The following PTPN14 variants were observed in gnomAD, a reference collection of about 807,000 sequenced individuals.
PTPN14 encodes the protein tyrosine-protein phosphatase non-receptor type 14.
Under a neutral mutation model 126.8 loss-of-function variants are expected in PTPN14, and 53 were observed. The ratio of observed to expected loss-of-function variants is 0.42; its 90% CI spans 0.34 to 0.53. The LOEUF is 0.53. Ranked by LOEUF, PTPN14 falls within the 20% of genes least tolerant of loss-of-function variation. The pLI, the probability that PTPN14 is intolerant of heterozygous loss-of-function variation, is 0.08. For missense variants in PTPN14, 1,257 were observed against 1,552.9 expected (o/e 0.81, Z 3.20); for synonymous variants, 630 against 599.3 (o/e 1.05, Z -0.75).
chr1:214,544,412 A>C (rs1156634403), intron 1 of PTPN14, among the ~76,000 whole-genome samples: 1 of 152,036 alleles, frequency 6.6e-6, no homozygotes, highest in Non-Finnish European at 1.5e-5. Flanking sequence ...CCTTGGTGAC[A>C]GGGTAAAACC....
chr1:214,409,119 T>C (rs187487401), intron 5 of PTPN14, among the ~76,000 whole-genome samples: 24 of 152,338 alleles, frequency 1.6e-4, no homozygotes, highest in Non-Finnish European at 2.5e-4. Context: ...ATTTAAAATC[T>C]ACTCTTTTAG....
chr1:214,520,273 T>C (rs1655223090), intron 1 of PTPN14, among the ~76,000 whole-genome samples: 1 of 151,920 alleles, frequency 6.6e-6, no homozygotes, highest in Non-Finnish European at 1.5e-5. Flanking sequence ...CTCTTTTCTT[T>C]TGATTCTCTA....
chr1:214,500,348 T>C (rs1401176670), intron 1 of PTPN14, among the ~76,000 whole-genome samples: 1 of 152,124 alleles, frequency 6.6e-6, no homozygotes, highest in Non-Finnish European at 1.5e-5. Flanking sequence ...CTAAATAAGC[T>C]GCAATCTCAA....
rs376384166 is a variant in PTPN14 at position 214,485,542 on chromosome 1, C to G, written c.-154-20585G>C. Among the ~76,000 whole-genome samples, 33 of 152,266 alleles carry G rather than the reference C, an allele frequency of 2.2e-4. 1 individual carries two copies. In the South Asian group the frequency reaches 6.0e-3, roughly 28 times the overall value. ...ATGAATATGGAAGAGCTAATGGACTCTGAGCTGGCAGAAGTGGACCTACAG... is the reference window on the plus strand; with the variant it reads ...ATGAATATGGAAGAGCTAATGGACTGTGAGCTGGCAGAAGTGGACCTACAG... On this transcript the variant is annotated intron_variant, in intron 1 of 18. Transcript: ENST00000366956.
chr1:214,527,950 G>A (rs567616074), intron 1 of PTPN14, among the ~76,000 whole-genome samples: 3 of 152,172 alleles, frequency 2.0e-5, no homozygotes, highest in Non-Finnish European at 4.4e-5. Context: ...CACTTCTCTC[G>A]ACAGCTTCTC....
intron 18 of PTPN14, among the ~76,000 whole-genome samples, chr1:214,359,468 T>C (rs3013455): frequency 0.81 from 123,203 of 151,208 alleles, 50,919 homozygotes; most frequent in African/African-American, 0.96. Flanking sequence ...GTGATCCGCC[T>C]GCCTCGGCCT....
At chr1:214,389,322 C>A (rs1404377905) in intron 11 of PTPN14, among the ~76,000 whole-genome samples, 1 of 152,192 alleles carries the variant, frequency 6.6e-6, no homozygotes, top group Admixed American at 6.5e-5. Flanking sequence ...TGTCAAAGGA[C>A]AATAATAGCT....
chr1:214,542,586 G>A (rs1655866929), intron 1 of PTPN14, among the ~76,000 whole-genome samples: 5 of 152,206 alleles, frequency 3.3e-5, no homozygotes, highest in Admixed American at 3.3e-4. Flanking sequence ...CAATGCCAAG[G>A]CCAGAATGGC....
chr1:214,398,937 T>C (rs776133304), intron 7 of PTPN14, among the ~76,000 whole-genome samples: 3 of 151,822 alleles, frequency 2.0e-5, no homozygotes, highest in Middle Eastern at 3.4e-3. Flanking sequence ...CCTGGCTAAT[T>C]TTTATATTTT....
At chr1:214,471,861 T>C (rs1187325612) in intron 1 of PTPN14, among the ~76,000 whole-genome samples, 1 of 152,230 alleles carries the variant, frequency 6.6e-6, no homozygotes. Context: ...GCCAACAGCA[T>C]GTGTATATCA....
At chr1:214,548,859 C>T (rs989417417) in intron 1 of PTPN14, among the ~76,000 whole-genome samples, 10 of 152,134 alleles carry the variant, frequency 6.6e-5, no homozygotes, top group Non-Finnish European at 1.5e-4. Flanking sequence ...CCTAACTGTC[C>T]TTTCTATTAC....
At chr1:214,395,038 T>C in intron 8 of PTPN14, 52 bp from the exon 9 acceptor site, 2 of 1,482,828 alleles carry the variant, frequency 1.3e-6, no homozygotes, top group Non-Finnish European at 1.9e-6. Flanking sequence ...CAGGCATTTA[T>C]GATACAGCAG....
At chr1:214,448,399 T>C (rs926248434) in intron 3 of PTPN14, among the ~76,000 whole-genome samples, 20 of 16,588 alleles carry the variant, frequency 1.2e-3, no homozygotes, top group African/African-American at 2.6e-3. Context: ...CCGGGCTAAT[T>C]TTTTTTTTTT....
chr1:214,435,654 T>A (rs1571998723), intron 3 of PTPN14, among the ~76,000 whole-genome samples: 1 of 152,110 alleles, frequency 6.6e-6, no homozygotes, highest in East Asian at 1.9e-4. Flanking sequence ...AAAATGCTCA[T>A]CACCACTAAT....
In PTPN14 at chr1:214,384,749, T is replaced by C. The variant is rs759542377; in HGVS notation, c.1106A>G (p.Asn369Ser). ...FHGNEEALYC[N>S]SHNSLDLNYL... ...ATTTAAGTCCAGGCTGTTGTGAGAG[T>C]TGCAATACAAGGCTTCTTCATTCCC... is the stretch of plus-strand genomic sequence containing the variant. The change falls in exon 13 of 19, where the codon AAC becomes AGC. Residue 369 changes from asparagine (N) to serine (S), a missense_variant. Transcript: ENST00000366956. The surrounding 1 kb of genome is among the most constrained non-coding windows in gnomAD (Gnocchi z 5.3). 4 of 1,613,760 alleles carry C rather than the reference T, an allele frequency of 2.5e-6. No individual in the cohort carries two copies. The highest frequency in any genetic ancestry group is 3.4e-6 in the Non-Finnish European group (4 of 1,179,948).
rs772489574 is a variant in PTPN14 at position 214,464,697 on chromosome 1, G to T, written c.107C>A (p.Thr36Lys). ...RLLDSNVIEC[T>K]LSVESTGQEC... ...TTGCCCTGTGCTTTCCACCGACAGC[G>T]TGCACTCGATAACATTGCTGTCCAG... The change falls in exon 2 of 19, where the codon ACG becomes AAG. Residue 36 changes from threonine to lysine, a missense_variant. Thr to Lys is a moderately conservative substitution (Grantham distance 78). Transcript: ENST00000366956. 2 of 1,614,286 alleles carry T rather than the reference G, an allele frequency of 1.2e-6. No homozygotes were observed. The highest frequency in any genetic ancestry group is 1.7e-5 in the Admixed American group (1 of 60,034).
chr1:214,505,921 G>A (rs4077549), intron 1 of PTPN14, among the ~76,000 whole-genome samples: 12,038 of 152,172 alleles, frequency 0.079, 555 homozygotes, highest in Middle Eastern at 0.13. Context: ...GTAATAAGCA[G>A]AAAATATTCC....
In PTPN14 at chr1:214,430,854, T is replaced by C. The variant is rs566538375; in HGVS notation, c.345-16128A>G. 1.1e-4 allele frequency among the ~76,000 whole-genome samples: 16 copies of C among 152,316 alleles called. 1 individual carries two copies. The highest frequency in any genetic ancestry group is 1.0e-3 in the South Asian group (5 of 4,818). On this transcript the variant is annotated intron_variant, in intron 3 of 18. Transcript: ENST00000366956. ...CACATACTAATATGTTGCTCAAATATTTTTATGTGACCATCTAATCTACCC... is the reference window on the plus strand; with the variant it reads ...CACATACTAATATGTTGCTCAAATACTTTTATGTGACCATCTAATCTACCC...
intron 10 of PTPN14, among the ~76,000 whole-genome samples, chr1:214,391,720 A>AC (rs1553261394): frequency 5.3e-5 from 8 of 150,430 alleles, no homozygotes; most frequent in South Asian, 2.1e-4. Context: ...AAAAAAAAAA[A>AC]CCCAGGACAT....
Sources: allele counts gnomAD v4.1 joint callset (sites outside exome capture counted in the v4.1 genomes callset), GRCh38; gene constraint gnomAD v4.1.1; non-coding constraint Gnocchi (gnomAD v3.1); transcripts MANE v1.5; gene names NCBI Gene and HGNC (gene_info 2026-07-23, HGNC 2026-07-21).